Variants in GRM7 observed in about 807,000 individuals in gnomAD.
The protein encoded by GRM7 is metabotropic glutamate receptor 7.
In GRM7, 35 loss-of-function variants were observed where a neutral mutation model predicts 84.5. The ratio of observed to expected loss-of-function variants is 0.41; its 90% CI spans 0.32 to 0.55. GRM7 has a LOEUF of 0.55. GRM7 is among the 20% of genes least tolerant of loss of function. GRM7 has a pLI of 0.19. For synonymous variants in GRM7, 487 were observed against 455.1 expected, an observed-to-expected ratio of 1.07 and a Z score of -0.89; for missense variants, 1,003 against 1,194.6, an observed-to-expected ratio of 0.84 and a Z score of 2.36.
chr3:7,724,444 A>C lies in GRM7; in HGVS notation c.2699-15913A>C, dbSNP rs1318128853. Among the ~76,000 whole-genome samples, 8 of 152,144 alleles carry C rather than the reference A, an allele frequency of 5.3e-5. 1 individual carries two copies. The highest frequency in any genetic ancestry group is 5.2e-4 in the Admixed American group (8 of 15,258). On this transcript the variant is annotated intron_variant, in intron 9 of 9. Transcript: ENST00000357716. The stretch of plus-strand genomic sequence containing the variant: ...CCCTTTTCTATTTCCCACATTCAAT[A>C]AGTTTAGATACTCTTCATTATTCCC...
At chr3:7,165,916 T>A (rs908835715) in intron 2 of GRM7, among the ~76,000 whole-genome samples, 2 of 152,226 alleles carry the variant, frequency 1.3e-5, no homozygotes, top group Non-Finnish European at 2.9e-5. Context: ...TAAATTTTGC[T>A]TTTCAAGTAG....
intron 2 of GRM7, among the ~76,000 whole-genome samples, chr3:7,247,027 A>G (rs1697788981): frequency 6.6e-6 from 1 of 152,196 alleles, no homozygotes; most frequent in African/African-American, 2.4e-5. Context: ...CTGATTTTCT[A>G]TGAAGGCACC....
At position 7,342,554 on chromosome 3, in the gene GRM7, C is replaced by G. The variant is rs192517909; in HGVS notation, c.1033+35902C>G. Among the ~76,000 whole-genome samples the G allele has an allele frequency of 1.3e-3, 191 of 152,268 alleles. 1 individual carries two copies. Among genetic ancestry groups the G allele is most frequent in the Middle Eastern group, 6.8e-3 (2 of 294 alleles). On this transcript the variant is annotated intron_variant, in intron 4 of 9. Transcript: ENST00000357716. ...GAGTACACCGAGGGAAGAACCTATC[C>G]TGTTCAAGTCTGTCTACCCTGTACT...
chr3:7,300,923 G>A (rs753552568), intron 3 of GRM7, among the ~76,000 whole-genome samples: 1 of 152,272 alleles, frequency 6.6e-6, no homozygotes. Context: ...ATAGGGCTCA[G>A]GACATAGTAG....
intron 7 of GRM7, among the ~76,000 whole-genome samples, chr3:7,465,438 A>C (rs1048797770): frequency 3.3e-5 from 5 of 152,044 alleles, no homozygotes; most frequent in Non-Finnish European, 7.4e-5. Flanking sequence ...AAAGAAAATA[A>C]AAGTTAAGTA....
chr3:6,916,451 T>G (rs906761133), intron 1 of GRM7, among the ~76,000 whole-genome samples: 1 of 152,094 alleles, frequency 6.6e-6, no homozygotes, highest in African/African-American at 2.4e-5. Context: ...GTCACTGAAA[T>G]GAGCAATAAA....
chr3:7,184,691 A>C (rs2125100239), intron 2 of GRM7, among the ~76,000 whole-genome samples: 1 of 152,178 alleles, frequency 6.6e-6, no homozygotes. Flanking sequence ...ATGAACTCTT[A>C]ATATATTTAA....
chr3:7,042,431 G>A (rs1461271269), intron 1 of GRM7, among the ~76,000 whole-genome samples: 1 of 152,142 alleles, frequency 6.6e-6, no homozygotes, highest in South Asian at 2.1e-4. Flanking sequence ...TACGTCATCA[G>A]ACCAGACCAT....
Position 7,486,761 on chromosome 3 carries a change from C to T in GRM7, c.1515+25039C>T, listed in dbSNP as rs1428203820. Among the ~76,000 whole-genome samples the T allele has an allele frequency of 6.6e-6, 1 of 152,158 alleles. No homozygotes were observed. Among genetic ancestry groups the T allele is most frequent in the African/African-American group, 2.4e-5 (1 of 41,452 alleles). On this transcript the variant is annotated intron_variant, in intron 7 of 9. Transcript: ENST00000357716. The surrounding 1 kb of genome is among the most constrained non-coding windows in gnomAD (Gnocchi z 5.5). ...TTATGCAGCCTCAGGTATTCTACTA[C>T]AGCAACACCAAAGAAACTAAGAAAA...
At chr3:7,111,398 A>G (rs1031018608) in intron 1 of GRM7, among the ~76,000 whole-genome samples, 1 of 152,160 alleles carries the variant, frequency 6.6e-6, no homozygotes, top group Non-Finnish European at 1.5e-5. Context: ...TGGTACTAGG[A>G]GTATGTTACA....
chr3:6,951,475 G>C (rs78269105), intron 1 of GRM7, among the ~76,000 whole-genome samples: 14,050 of 152,022 alleles, frequency 0.092, 684 homozygotes, highest in Middle Eastern at 0.12. Context: ...AAATACTGAC[G>C]TGTTGTGTTT....
chr3:7,320,689 TG>T (rs1646734077), intron 4 of GRM7, among the ~76,000 whole-genome samples: 1 of 149,182 alleles, frequency 6.7e-6, no homozygotes. Flanking sequence ...TCAGTGTGTG[TG>T]TGTGTGTGTG....
chr3:6,934,858 A>C (rs1177349026), intron 1 of GRM7, among the ~76,000 whole-genome samples: 1 of 152,162 alleles, frequency 6.6e-6, no homozygotes, highest in East Asian at 1.9e-4. Flanking sequence ...TTATGCCCTG[A>C]GAAAAAAAAG....
intron 1 of GRM7, among the ~76,000 whole-genome samples, chr3:6,893,716 A>G (rs1696060201): frequency 1.3e-5 from 2 of 152,188 alleles, no homozygotes; most frequent in South Asian, 4.1e-4. Flanking sequence ...TATATTTTTA[A>G]TAAAGCAATT....
intron 1 of GRM7, among the ~76,000 whole-genome samples, chr3:6,973,860 T>A (rs1693873834): frequency 6.6e-6 from 1 of 152,132 alleles, no homozygotes; most frequent in African/African-American, 2.4e-5. Flanking sequence ...TGGTAAGGAC[T>A]TGAGTTTTGT....
At chr3:7,450,968 A>G (rs1697742237) in intron 5 of GRM7, among the ~76,000 whole-genome samples, 2 of 152,080 alleles carry the variant, frequency 1.3e-5, no homozygotes, top group Admixed American at 1.3e-4. Flanking sequence ...AGCAACCTAA[A>G]ACATTTTAGC....
intron 8 of GRM7, among the ~76,000 whole-genome samples, chr3:7,597,099 T>C (rs111602344): frequency 0.049 from 7,384 of 152,192 alleles, 213 homozygotes; most frequent in Middle Eastern, 0.075. Flanking sequence ...CTTAATTGGC[T>C]CATGGTTCTG....
chr3:7,657,487 GAGAA>G (rs1284195960), intron 8 of GRM7, among the ~76,000 whole-genome samples: 1 of 152,196 alleles, frequency 6.6e-6, no homozygotes, highest in Non-Finnish European at 1.5e-5. Context: ...ATTGGAAGAG[GAGAA>G]AGAGTTTCAT....
intron 1 of GRM7, among the ~76,000 whole-genome samples, chr3:6,950,018 G>A (rs370247556): frequency 9.2e-5 from 14 of 152,048 alleles, no homozygotes; most frequent in East Asian, 1.9e-4. Flanking sequence ...TCTTTAGCTC[G>A]GAGTAGTTTG....
Sources: gnomAD v4.1 joint callset for allele counts (sites outside exome capture counted in the v4.1 genomes callset) on GRCh38, gnomAD v4.1.1 for gene constraint, Gnocchi (gnomAD v3.1) non-coding constraint, MANE v1.5 for transcripts, NCBI Gene and HGNC (gene_info 2026-07-23, HGNC 2026-07-21) for gene names.